The following KCNH7 variants were observed in gnomAD, a reference collection of about 807,000 sequenced individuals.
KCNH7 encodes the protein potassium voltage-gated channel subfamily H member 7, also known as voltage-gated inwardly rectifying potassium channel KCNH7.
A neutral mutation model predicts 120.8 loss-of-function variants in KCNH7; 49 were observed. The ratio of observed to expected loss-of-function variants is 0.41; its 90% CI spans 0.32 to 0.51. KCNH7 has a LOEUF of 0.51. Among genes scored for constraint, KCNH7 ranks in the 20% least tolerant of loss-of-function variants. KCNH7 has a pLI of 0.38. For synonymous variants in KCNH7, 547 were observed against 516.1 expected, an observed-to-expected ratio of 1.06 and a Z score of -0.81; for missense variants, 1,097 against 1,446.6, an observed-to-expected ratio of 0.76 and a Z score of 3.92.
chr2:162,578,566 C>T (rs1559026160), intron 2 of KCNH7, among the ~76,000 whole-genome samples: 3 of 151,924 alleles, frequency 2.0e-5, no homozygotes, highest in African/African-American at 7.2e-5. Context: ...ACACTGGAAA[C>T]TTAGGAAGCC....
chr2:162,516,811 A>G (rs1691312619), intron 4 of KCNH7, among the ~76,000 whole-genome samples: 1 of 151,782 alleles, frequency 6.6e-6, no homozygotes, highest in South Asian at 2.1e-4. Flanking sequence ...ATTGTAGACT[A>G]TGGAGACAGG....
chr2:162,464,730 C>T (rs1005203136), intron 6 of KCNH7, among the ~76,000 whole-genome samples: 3 of 151,942 alleles, frequency 2.0e-5, no homozygotes, highest in South Asian at 2.1e-4. Context: ...TCAAATTTTA[C>T]GTGGTAAACA....
chr2:162,817,746 AC>A (rs1684965366), intron 2 of KCNH7, among the ~76,000 whole-genome samples: 3 of 152,070 alleles, frequency 2.0e-5, no homozygotes, highest in Admixed American at 2.0e-4. Flanking sequence ...TTTCAATTTT[AC>A]CTATTCTAGT....
chr2:162,421,920 C>A (rs547860997), intron 9 of KCNH7, among the ~76,000 whole-genome samples: 80 of 152,250 alleles, frequency 5.3e-4, no homozygotes, highest in African/African-American at 1.7e-3. Context: ...ATTCTTGACA[C>A]TGCTTCAGCC....
chr2:162,650,249 T>C (rs1046577660), intron 2 of KCNH7, among the ~76,000 whole-genome samples: 1 of 152,190 alleles, frequency 6.6e-6, no homozygotes, highest in African/African-American at 2.4e-5. Context: ...TCAAAAATAA[T>C]GTAATAAAGT....
Position 162,811,975 on chromosome 2 carries a change from T to C in KCNH7, c.307+24562A>G, listed in dbSNP as rs151141873. Among the ~76,000 whole-genome samples, 510 of 152,328 alleles carry C rather than the reference T, an allele frequency of 3.3e-3. 4 individuals carry two copies. The highest frequency in any genetic ancestry group is 0.011 in the African/African-American group (475 of 41,578). On this transcript the variant is annotated intron_variant, in intron 2 of 15. Transcript: ENST00000332142. Reference sequence around the variant, plus strand: ...ATTCAATATGGGGGCTCATGTACTTTATCTTTTCAAAGAAATAGAATAAAT... The same window carrying C: ...ATTCAATATGGGGGCTCATGTACTTCATCTTTTCAAAGAAATAGAATAAAT...
chr2:162,672,666 T>C (rs1183422507), intron 2 of KCNH7, among the ~76,000 whole-genome samples: 1 of 151,988 alleles, frequency 6.6e-6, no homozygotes, highest in Non-Finnish European at 1.5e-5. Context: ...CACATAGCGA[T>C]TACTGTATGC....
In KCNH7 at chr2:162,435,614, A is replaced by T; in HGVS notation, c.1555-17T>A. On this transcript the variant is annotated splice_polypyrimidine_tract_variant and intron_variant, in intron 7 of 15. Transcript: ENST00000332142. ...TGTTGTTGTCTGTAGAAATAAATGTACACAGTCAGAAACGGTCGGCAAACA... is the reference window on the plus strand; with the variant it reads ...TGTTGTTGTCTGTAGAAATAAATGTTCACAGTCAGAAACGGTCGGCAAACA... 6.4e-7 allele frequency: 1 copy of T among 1,560,302 alleles called. No homozygotes were observed. Among genetic ancestry groups the T allele is most frequent in the Non-Finnish European group, 8.7e-7 (1 of 1,154,096 alleles).
intron 6 of KCNH7, among the ~76,000 whole-genome samples, chr2:162,489,394 A>G (rs1019981863): frequency 3.3e-5 from 5 of 152,144 alleles, no homozygotes; most frequent in African/African-American, 1.2e-4. Flanking sequence ...ATGCAAAAAA[A>G]TCTCATAATG....
At chr2:162,767,185 T>A (rs1174758663) in intron 2 of KCNH7, among the ~76,000 whole-genome samples, 1 of 152,140 alleles carries the variant, frequency 6.6e-6, no homozygotes, top group Admixed American at 6.6e-5. Flanking sequence ...ACCATGTACA[T>A]ACTCTTGTCA....
intron 6 of KCNH7, chr2:162,496,861 C>A (rs1690514859): frequency 6.6e-6 from 1 of 152,080 alleles, no homozygotes; most frequent in African/African-American, 2.4e-5. Context: ...CAAATCATGT[C>A]ATTGAAGAAA....
chr2:162,729,250 C>G (rs1300914516), intron 2 of KCNH7, among the ~76,000 whole-genome samples: 1 of 150,060 alleles, frequency 6.7e-6, no homozygotes, highest in African/African-American at 2.5e-5. Context: ...ACTGCAAGCT[C>G]CACCTCCCGG....
In KCNH7 at chr2:162,537,841, C is replaced by G. The variant is rs146320543; in HGVS notation, c.308-761G>C. On this transcript the variant is annotated intron_variant, in intron 2 of 15. Coordinates refer to ENST00000332142, the MANE Select transcript of KCNH7 (RefSeq NM_033272.4). ...CAGTTTGCAATCAACCACTACCATC[C>G]GTCTTCCAACAGAAACCCACAGGTC... Among the ~76,000 whole-genome samples the G allele has an allele frequency of 2.3e-3, 351 of 152,094 alleles. 1 individual carries two copies. Among genetic ancestry groups the G allele is most frequent in the African/African-American group, 7.9e-3 (328 of 41,522 alleles).
At chr2:162,433,452 T>C (rs896723805) in intron 8 of KCNH7, among the ~76,000 whole-genome samples, 1 of 151,980 alleles carries the variant, frequency 6.6e-6, no homozygotes, top group Non-Finnish European at 1.5e-5. Flanking sequence ...TAGAATAGAA[T>C]AGAAAACCCA....
chr2:162,675,405 T>C (rs944231719), intron 2 of KCNH7, among the ~76,000 whole-genome samples: 3 of 151,560 alleles, frequency 2.0e-5, no homozygotes, highest in Non-Finnish European at 4.4e-5. Flanking sequence ...AAAAATAATT[T>C]TGAATTACTT....
intron 2 of KCNH7, among the ~76,000 whole-genome samples, chr2:162,702,681 G>A (rs1186810727): frequency 5.3e-5 from 8 of 152,060 alleles, no homozygotes; most frequent in East Asian, 3.9e-4. Flanking sequence ...AAAGCAGTGC[G>A]TCTCTAATTC....
At chr2:162,387,681 G>A (rs994002379) in intron 12 of KCNH7, among the ~76,000 whole-genome samples, 9 of 151,512 alleles carry the variant, frequency 5.9e-5, no homozygotes, top group South Asian at 4.1e-4. Context: ...TGGACAGTTC[G>A]TCTCCTCCCG....
At chr2:162,765,045 A>G (rs1682733569) in intron 2 of KCNH7, among the ~76,000 whole-genome samples, 1 of 152,286 alleles carries the variant, frequency 6.6e-6, no homozygotes, top group South Asian at 2.1e-4. Context: ...ACTTTATTGT[A>G]TTGGATATAA....
chr2:162,614,735 G>C (rs890358839), intron 2 of KCNH7, among the ~76,000 whole-genome samples: 2 of 148,296 alleles, frequency 1.3e-5, no homozygotes, highest in African/African-American at 4.9e-5. Context: ...TATATTTGTA[G>C]TGAAGTATAA....
Sources: gnomAD v4.1 joint callset for allele counts (sites outside exome capture counted in the v4.1 genomes callset) on GRCh38, gnomAD v4.1.1 for gene constraint, MANE v1.5 for transcripts, NCBI Gene and HGNC (gene_info 2026-07-23, HGNC 2026-07-21) for gene names.